The following CTNND2 variants were observed in gnomAD, a reference collection of about 807,000 sequenced individuals.
CTNND2 encodes catenin delta-2.
In CTNND2, 22 loss-of-function variants were observed where a neutral mutation model predicts 144.4. The observed-to-expected ratio is 0.15, with a 90% CI of 0.11 to 0.22. The LOEUF is 0.22. CTNND2 is among the 10% of genes least tolerant of loss of function. CTNND2 has a pLI of 1.00. For missense variants in CTNND2, 1,353 were observed against 1,618.8 expected, an observed-to-expected ratio of 0.84 and a Z score of 2.82; for synonymous variants, 751 against 695.6, an observed-to-expected ratio of 1.08 and a Z score of -1.25.
chr5:11,311,438 C>G (rs1750840678), intron 9 of CTNND2, among the ~76,000 whole-genome samples: 1 of 134,514 alleles, frequency 7.4e-6, no homozygotes, highest in African/African-American at 2.9e-5. Context: ...CTCACCCTCA[C>G]CCCACATTCC....
chr5:11,836,354 T>A (rs1020024737), intron 1 of CTNND2, among the ~76,000 whole-genome samples: 2 of 152,152 alleles, frequency 1.3e-5, no homozygotes, highest in African/African-American at 4.8e-5. Flanking sequence ...ACTTGAGAAT[T>A]AGAGAACCAC....
chr5:11,810,898 A>C (rs1792296223), intron 1 of CTNND2, among the ~76,000 whole-genome samples: 1 of 152,170 alleles, frequency 6.6e-6, no homozygotes. Context: ...TATGACATGC[A>C]ACAGAGAAAG....
intron 16 of CTNND2, among the ~76,000 whole-genome samples, chr5:11,024,789 A>G (rs1186073202): frequency 6.6e-6 from 1 of 152,192 alleles, no homozygotes; most frequent in Admixed American, 6.5e-5. Context: ...TGTCAGATAA[A>G]TATGAAGATG....
chr5:11,074,745 G>A (rs1023328937), intron 16 of CTNND2, among the ~76,000 whole-genome samples: 2 of 152,166 alleles, frequency 1.3e-5, no homozygotes, highest in African/African-American at 4.8e-5. Context: ...AAGGAGTATT[G>A]TAATTCTATG....
At chr5:11,674,318 A>C (rs1391064157) in intron 2 of CTNND2, among the ~76,000 whole-genome samples, 1 of 152,202 alleles carries the variant, frequency 6.6e-6, no homozygotes, top group African/African-American at 2.4e-5. Context: ...ATTTAATGAA[A>C]ACAGATTTTT....
chr5:11,034,138 AAC>A (rs1296137178), intron 16 of CTNND2, among the ~76,000 whole-genome samples: 16 of 152,280 alleles, frequency 1.1e-4, no homozygotes, highest in Non-Finnish European at 1.5e-5. Flanking sequence ...TTAGGGGAAA[AAC>A]AGAGATGTCT....
At chr5:11,143,027 C>CTAT (rs1221444889) in intron 12 of CTNND2, among the ~76,000 whole-genome samples, 1 of 152,130 alleles carries the variant, frequency 6.6e-6, no homozygotes, top group East Asian at 1.9e-4. Flanking sequence ...GGAGCCAGAC[C>CTAT]TATTTCCTCC....
intron 15 of CTNND2, among the ~76,000 whole-genome samples, 169 bp from the exon 16 acceptor site, chr5:11,083,015 C>T (rs1749753664): frequency 6.6e-6 from 1 of 152,136 alleles, no homozygotes; most frequent in Non-Finnish European, 1.5e-5. Context: ...AACTTTTTAA[C>T]TGTATTTTTT....
At chr5:11,814,121 CAT>C (rs1357275752) in intron 1 of CTNND2, among the ~76,000 whole-genome samples, 3 of 152,148 alleles carry the variant, frequency 2.0e-5, no homozygotes, top group East Asian at 3.8e-4. Flanking sequence ...TTATTTCTAG[CAT>C]ATGTCATTGT....
chr5:11,894,103 T>C (rs1287442703), intron 1 of CTNND2, among the ~76,000 whole-genome samples: 2 of 152,130 alleles, frequency 1.3e-5, no homozygotes, highest in South Asian at 2.1e-4. Flanking sequence ...TTGTTCAAAG[T>C]ATTTAAGGAA....
At chr5:11,442,386 A>G (rs957056490) in intron 3 of CTNND2, among the ~76,000 whole-genome samples, 3 of 152,204 alleles carry the variant, frequency 2.0e-5, no homozygotes, top group Non-Finnish European at 4.4e-5. Flanking sequence ...GATTTTGCTT[A>G]GTGGTTCAGT....
chr5:11,903,226 A>G lies in CTNND2; in HGVS notation c.37+591T>C, dbSNP rs1199839125. ...TGGCTGTCTATTGTCAGCACGCAGA[A>G]GCCCCCGAAACCTGTGAAGCCGGCT... On this transcript the variant is annotated intron_variant, in intron 1 of 21. Transcript: ENST00000304623. The surrounding 1 kb of genome is among the most constrained non-coding windows in gnomAD (Gnocchi z 5.4). 2.0e-6 allele frequency: 2 copies of G among 985,340 alleles called. No homozygotes were observed. Among genetic ancestry groups the G allele is most frequent in the Admixed American group, 6.2e-5 (1 of 16,260 alleles). 61.0% of individuals were successfully genotyped at this position (985,340 alleles called of 1,614,324 possible).
chr5:11,754,181 G>T (rs1278154460), intron 1 of CTNND2, among the ~76,000 whole-genome samples: 3 of 150,784 alleles, frequency 2.0e-5, no homozygotes, highest in African/African-American at 4.9e-5. Flanking sequence ...TTCATTTCAG[G>T]TCTGATTTTG....
chr5:11,291,832 A>T (rs1040009426), intron 9 of CTNND2, among the ~76,000 whole-genome samples: 12 of 152,166 alleles, frequency 7.9e-5, no homozygotes, highest in African/African-American at 2.9e-4. Flanking sequence ...TACAGACAAA[A>T]CATTTATTTC....
chr5:11,276,500 T>C (rs1461773498), intron 9 of CTNND2, among the ~76,000 whole-genome samples: 1 of 152,180 alleles, frequency 6.6e-6, no homozygotes, highest in Non-Finnish European at 1.5e-5. Context: ...GGGCTCATCC[T>C]GGTCCTCTTC....
At chr5:11,419,008 ATC>A (rs1762127242) in intron 3 of CTNND2, among the ~76,000 whole-genome samples, 6 of 148,278 alleles carry the variant, frequency 4.0e-5, no homozygotes, top group Non-Finnish European at 8.9e-5. Flanking sequence ...ATATATATAT[ATC>A]TATATAGATG....
intron 2 of CTNND2, among the ~76,000 whole-genome samples, chr5:11,697,150 T>C (rs1785180278): frequency 6.6e-6 from 1 of 152,198 alleles, no homozygotes; most frequent in South Asian, 2.1e-4. Context: ...AATATGTAAA[T>C]GTCTGCAGGC....
chr5:11,108,907 T>C (rs1752678152), intron 14 of CTNND2, among the ~76,000 whole-genome samples: 1 of 152,206 alleles, frequency 6.6e-6, no homozygotes, highest in African/African-American at 2.4e-5. Flanking sequence ...TGCTGATTGC[T>C]ACAAAAGGTG....
At chr5:11,880,926 CACTACTACT>C (rs1736052500) in intron 1 of CTNND2, among the ~76,000 whole-genome samples, 2 of 124,114 alleles carry the variant, frequency 1.6e-5, no homozygotes, top group Non-Finnish European at 3.4e-5. Context: ...CTACTACTAC[CACTACTACT>C]GCTACTAATA....
Sources: allele counts gnomAD v4.1 joint callset (sites outside exome capture counted in the v4.1 genomes callset), GRCh38; gene constraint gnomAD v4.1.1; non-coding constraint Gnocchi (gnomAD v3.1); transcripts MANE v1.5; gene names NCBI Gene and HGNC (gene_info 2026-07-23, HGNC 2026-07-21).